SPATA13: variants seen among roughly 807,000 people sequenced by gnomAD.
SPATA13 encodes spermatogenesis associated 13.
SPATA13 carries 50 observed loss-of-function variants against 104.0 expected under a neutral mutation model. That is an observed-to-expected ratio of 0.48 (90% confidence interval 0.38 to 0.61). The LOEUF is 0.61. Among genes scored for constraint, SPATA13 ranks in the 20% least tolerant of loss-of-function variants. The probability of loss-of-function intolerance (pLI) is 0.00; values close to 1 mark genes in which losing one functional copy is unlikely to be tolerated. For synonymous variants in SPATA13, 606 were observed against 667.5 expected, an observed-to-expected ratio of 0.91 and a Z score of 1.42; for missense variants, 1,524 against 1,690.6, an observed-to-expected ratio of 0.90 and a Z score of 1.73.
At chr13:24,100,018 A>G (rs1481910004) in intron 3 of SPATA13, among the ~76,000 whole-genome samples, 2 of 152,224 alleles carry the variant, frequency 1.3e-5, no homozygotes, top group Non-Finnish European at 2.9e-5. Flanking sequence ...TGGCCGGCAC[A>G]GTTCTCTTTG....
At chr13:24,189,243 C>G (rs7139478) in intron 1 of SPATA13, among the ~76,000 whole-genome samples, 124,447 of 151,918 alleles carry the variant, frequency 0.82, 52,121 homozygotes, top group Non-Finnish European at 0.91. Flanking sequence ...AGGCCGAGGC[C>G]GGTGGATCAC....
chr13:24,152,541 T>C (rs536190112), intron 3 of SPATA13, among the ~76,000 whole-genome samples: 1 of 152,342 alleles, frequency 6.6e-6, no homozygotes, highest in South Asian at 2.1e-4. Context: ...ACAGCGGGTG[T>C]TCTATGCCAG....
In SPATA13 at chr13:23,980,348, G is replaced by T. The variant is rs556347413; in HGVS notation, c.-354+424G>T. 2.2e-4 allele frequency among the ~76,000 whole-genome samples: 34 copies of T among 152,330 alleles called. No homozygotes were observed. The South Asian group carries it at 5.2e-3, about 23-fold the overall frequency. ...CAGCGTGGCTGTGTTGCCGGGCGAC[G>T]GAGGAGCCGCGGGGGAGGCCGAAAT... On this transcript the variant is annotated intron_variant, in intron 1 of 14. Coordinates refer to the SPATA13 transcript ENST00000424834.
chr13:24,166,888 C>T (rs1278703082), intron 1 of SPATA13, among the ~76,000 whole-genome samples: 1 of 152,258 alleles, frequency 6.6e-6, no homozygotes, highest in African/African-American at 2.4e-5. Context: ...AAAGGACCCA[C>T]TTCTTCACAT....
chr13:23,991,185 G>A (rs898581231), intron 2 of SPATA13, among the ~76,000 whole-genome samples: 7 of 152,144 alleles, frequency 4.6e-5, no homozygotes, highest in South Asian at 2.1e-4. Flanking sequence ...GGATGGATTC[G>A]GAATGCAGCA....
At chr13:24,246,747 C>T (rs1013914623) in intron 2 of SPATA13, among the ~76,000 whole-genome samples, 2 of 152,024 alleles carry the variant, frequency 1.3e-5, no homozygotes, top group Non-Finnish European at 2.9e-5. Flanking sequence ...CCTGTAATCC[C>T]AGCTACTCAA....
At chr13:24,156,232 G>A (rs1882253659), upstream of SPATA13, among the ~76,000 whole-genome samples, 1 of 152,168 alleles carries the variant, frequency 6.6e-6, no homozygotes, top group Non-Finnish European at 1.5e-5. Context: ...GGTAATTCTA[G>A]TTTTTTGATT....
intron 3 of SPATA13, among the ~76,000 whole-genome samples, chr13:24,104,876 A>G (rs1880386394): frequency 6.6e-6 from 1 of 152,194 alleles, no homozygotes; most frequent in Non-Finnish European, 1.5e-5. Flanking sequence ...TCCTCGCCAG[A>G]GGCCATGCCA....
intron 3 of SPATA13, among the ~76,000 whole-genome samples, chr13:24,052,328 C>T (rs969015179): frequency 1.3e-5 from 2 of 152,024 alleles, no homozygotes; most frequent in Non-Finnish European, 2.9e-5. Flanking sequence ...TGCTTGAGGC[C>T]AGGAGTTTGA....
At chr13:24,178,188 A>G (rs1240836772) in intron 1 of SPATA13, among the ~76,000 whole-genome samples, 2 of 152,172 alleles carry the variant, frequency 1.3e-5, no homozygotes, top group African/African-American at 2.4e-5. Flanking sequence ...TCTGCACCAG[A>G]TCAACATAAA....
At chr13:24,136,507 GAGAGAGGGAGAGAGAAAA>G (rs1881575106) in intron 3 of SPATA13, among the ~76,000 whole-genome samples, 1 of 151,776 alleles carries the variant, frequency 6.6e-6, no homozygotes, top group Non-Finnish European at 1.5e-5. Flanking sequence ...AAGAAAGTGA[GAGAGAGGGAGAGAGAAAA>G]AGAGAGGGAG....
chr13:24,210,061 T>C (rs140150778), intron 1 of SPATA13, among the ~76,000 whole-genome samples: 1 of 152,152 alleles, frequency 6.6e-6, no homozygotes, highest in South Asian at 2.1e-4. Flanking sequence ...CATTTGTGTG[T>C]CTTCTTTGAA....
chr13:24,297,268 G>T, intron 10 of SPATA13, 95 bp from the exon 11 acceptor site: 1 of 1,438,872 alleles, frequency 6.9e-7, no homozygotes, highest in Non-Finnish European at 9.3e-7. Context: ...TCAAACTCTT[G>T]GCCTCAACGA....
At chr13:24,175,357 A>G (rs1454364323) in intron 1 of SPATA13, among the ~76,000 whole-genome samples, 8 of 152,196 alleles carry the variant, frequency 5.3e-5, no homozygotes, top group African/African-American at 1.9e-4. Flanking sequence ...GGGAGGCTAA[A>G]AGTCTACATT....
intron 7 of SPATA13, among the ~76,000 whole-genome samples, chr13:24,288,717 G>T (rs757063391): frequency 1.1e-4 from 16 of 152,192 alleles, no homozygotes; most frequent in African/African-American, 3.9e-4. Context: ...AACACGTGAC[G>T]ACACCAATTT....
At chr13:24,142,871 C>T (rs2138460047) in intron 3 of SPATA13, among the ~76,000 whole-genome samples, 1 of 152,252 alleles carries the variant, frequency 6.6e-6, no homozygotes, top group Middle Eastern at 3.4e-3. Flanking sequence ...CCTGGGGAGC[C>T]CGAGGAAAGA....
At chr13:24,240,111 C>G (rs535854841) in intron 2 of SPATA13, among the ~76,000 whole-genome samples, 1 of 152,050 alleles carries the variant, frequency 6.6e-6, no homozygotes, top group South Asian at 2.1e-4. Flanking sequence ...TCAAGACCAG[C>G]CTGGCCAACA....
At chr13:23,985,879 C>G (rs138692743) in intron 2 of SPATA13, among the ~76,000 whole-genome samples, 1 of 152,172 alleles carries the variant, frequency 6.6e-6, no homozygotes, top group Non-Finnish European at 1.5e-5. Context: ...GCGGTCCATA[C>G]GCTGAGACGG....
At chr13:24,153,691 T>C (rs1882171834) in intron 3 of SPATA13, among the ~76,000 whole-genome samples, 2 of 152,170 alleles carry the variant, frequency 1.3e-5, no homozygotes, top group Admixed American at 1.3e-4. Context: ...GCCATATGTA[T>C]GAAGAGCACA....
Sources: allele counts gnomAD v4.1 joint callset (sites outside exome capture counted in the v4.1 genomes callset), GRCh38; gene constraint gnomAD v4.1.1; transcripts MANE v1.5; gene names NCBI Gene and HGNC (gene_info 2026-07-23, HGNC 2026-07-21).